RBFOX1: variants seen among roughly 807,000 people sequenced by gnomAD.
RBFOX1 encodes RNA binding protein fox-1 homolog 1.
RBFOX1 carries 8 observed loss-of-function variants against 57.7 expected under a neutral mutation model. The observed-to-expected ratio is 0.14, with a 90% CI of 0.08 to 0.25. The LOEUF (loss-of-function observed/expected upper bound fraction) is 0.25, where lower values mean the gene tolerates loss of function less well. Ranked by LOEUF, RBFOX1 falls within the 10% of genes least tolerant of loss-of-function variation. The probability of loss-of-function intolerance (pLI) is 1.00; values close to 1 mark genes in which losing one functional copy is unlikely to be tolerated. For missense variants in RBFOX1, 611 were observed against 548.5 expected (o/e 1.11, Z -1.14); for synonymous variants, 326 against 222.4 (o/e 1.47, Z -4.15).
chr16:5,545,165 A>C (rs2045138889), intron 2 of RBFOX1, among the ~76,000 whole-genome samples: 1 of 151,712 alleles, frequency 6.6e-6, no homozygotes, highest in Non-Finnish European at 1.5e-5. Flanking sequence ...TTTAGTAGAG[A>C]CAGGGTTTCA....
At chr16:5,641,968 G>C (rs909614403) in intron 3 of RBFOX1, among the ~76,000 whole-genome samples, 8 of 152,278 alleles carry the variant, frequency 5.3e-5, no homozygotes, top group Middle Eastern at 3.4e-3. Context: ...CAGGTCTGAG[G>C]TGGGACTCGT....
At chr16:6,527,899 C>A (rs9925410) in intron 2 of RBFOX1, among the ~76,000 whole-genome samples, 1 of 152,022 alleles carries the variant, frequency 6.6e-6, no homozygotes, top group Non-Finnish European at 1.5e-5. Context: ...CCCTCAGTCA[C>A]GATTCCATGC....
chr16:5,640,833 GCACACACACACA>G (rs142919715), intron 3 of RBFOX1, among the ~76,000 whole-genome samples: 3 of 142,658 alleles, frequency 2.1e-5, no homozygotes, highest in African/African-American at 8.0e-5. Flanking sequence ...ACACATACAT[GCACACACACACA>G]CACACACACA....
intron 11 of RBFOX1, among the ~76,000 whole-genome samples, chr16:7,652,431 A>C (rs1450503424): frequency 3.3e-5 from 5 of 152,202 alleles, no homozygotes; most frequent in Non-Finnish European, 4.4e-5. Flanking sequence ...TATTTGAGAA[A>C]AAGTCTTGCT....
intron 2 of RBFOX1, among the ~76,000 whole-genome samples, chr16:5,547,164 G>T (rs1235168560): frequency 6.6e-6 from 1 of 152,116 alleles, no homozygotes; most frequent in Non-Finnish European, 1.5e-5. Flanking sequence ...AATGTAAAAT[G>T]GTATAACCAC....
intron 1 of RBFOX1, among the ~76,000 whole-genome samples, chr16:6,210,097 C>A (rs1252626403): frequency 6.6e-6 from 1 of 151,732 alleles, no homozygotes; most frequent in Non-Finnish European, 1.5e-5. Context: ...ACCGGTGGAT[C>A]ACCTGAGGTC....
intron 4 of RBFOX1, among the ~76,000 whole-genome samples, chr16:7,218,655 T>TAC (rs2092460064): frequency 6.7e-6 from 1 of 148,796 alleles, no homozygotes; most frequent in African/African-American, 2.5e-5. Context: ...TGTGTGTGTG[T>TAC]GTGTGTGTGT....
At chr16:7,373,350 CT>C (rs1295859593) in intron 4 of RBFOX1, among the ~76,000 whole-genome samples, 2 of 152,130 alleles carry the variant, frequency 1.3e-5, no homozygotes, top group African/African-American at 4.8e-5. Flanking sequence ...TAAAGACAGT[CT>C]TTTGAAGCAA....
intron 4 of RBFOX1, among the ~76,000 whole-genome samples, chr16:7,118,309 T>C (rs895818053): frequency 6.6e-6 from 1 of 152,164 alleles, no homozygotes; most frequent in Non-Finnish European, 1.5e-5. Flanking sequence ...TAGCTCATTA[T>C]GGTTTTAATT....
rs530162579 is a variant in RBFOX1 at position 5,322,407 on chromosome 16, G to A, written c.219+82302G>A. Among the ~76,000 whole-genome samples, 3 of 152,260 alleles carry A rather than the reference G, an allele frequency of 2.0e-5. No homozygotes were observed. The East Asian group carries it at 5.8e-4, about 29-fold the overall frequency. On this transcript the variant is annotated intron_variant, in intron 1 of 2. Transcript: ENST00000585867. Reference sequence around the variant, plus strand: ...CGCCTAGGGGTTTGGGGTAGGATGAGCCTTTTGGTCTGGGTGCTGAGCCGG... The same window carrying A: ...CGCCTAGGGGTTTGGGGTAGGATGAACCTTTTGGTCTGGGTGCTGAGCCGG...
intron 4 of RBFOX1, among the ~76,000 whole-genome samples, chr16:7,216,692 C>T (rs1329473054): frequency 2.6e-5 from 4 of 152,012 alleles, no homozygotes; most frequent in African/African-American, 7.2e-5. Context: ...ACAAACAAAC[C>T]GAGACAATGA....
chr16:7,299,354 A>G (rs1035451091), intron 4 of RBFOX1, among the ~76,000 whole-genome samples: 139 of 152,280 alleles, frequency 9.1e-4, no homozygotes, highest in Non-Finnish European at 1.0e-3. Flanking sequence ...TGAACTGGGT[A>G]TTGCCTGCGC....
intron 3 of RBFOX1, among the ~76,000 whole-genome samples, chr16:5,839,570 G>A (rs1251392553): frequency 1.3e-5 from 2 of 152,122 alleles, no homozygotes; most frequent in African/African-American, 4.8e-5. Context: ...GCCATCAGAG[G>A]CTTCTTAATC....
chr16:6,148,704 C>A (rs2096776704), intron 1 of RBFOX1, among the ~76,000 whole-genome samples: 1 of 152,180 alleles, frequency 6.6e-6, no homozygotes, highest in Non-Finnish European at 1.5e-5. Flanking sequence ...CTAGAAAAAG[C>A]TGGAGAGATC....
chr16:5,462,239 G>A (rs531973812), intron 1 of RBFOX1, among the ~76,000 whole-genome samples: 49 of 147,230 alleles, frequency 3.3e-4, no homozygotes, highest in Non-Finnish European at 6.7e-4. Context: ...CACTATCTCG[G>A]CTCACTGCAA....
At chr16:7,463,562 C>T (rs934743577) in intron 4 of RBFOX1, among the ~76,000 whole-genome samples, 1 of 152,144 alleles carries the variant, frequency 6.6e-6, no homozygotes, top group Non-Finnish European at 1.5e-5. Flanking sequence ...ATGATGTAAT[C>T]ACCTCCTTAA....
intron 5 of RBFOX1, among the ~76,000 whole-genome samples, 155 bp from the exon 6 acceptor site, chr16:7,579,622 C>T (rs563966510): frequency 3.9e-5 from 6 of 152,196 alleles, no homozygotes; most frequent in African/African-American, 1.4e-4. Flanking sequence ...AAAACACTTG[C>T]TGAATGAATG....
chr16:7,205,813 C>T (rs551240434), intron 4 of RBFOX1, among the ~76,000 whole-genome samples: 1 of 152,212 alleles, frequency 6.6e-6, no homozygotes, highest in Non-Finnish European at 1.5e-5. Flanking sequence ...GAATTGAAAC[C>T]TTACCACTGA....
chr16:7,061,026 G>C (rs1302851100), intron 4 of RBFOX1, among the ~76,000 whole-genome samples: 2 of 151,862 alleles, frequency 1.3e-5, no homozygotes, highest in African/African-American at 4.8e-5. Context: ...GTTCTCCTGT[G>C]TGTGTGTGTG....
Sources: gnomAD v4.1 joint callset for allele counts (sites outside exome capture counted in the v4.1 genomes callset) on GRCh38, gnomAD v4.1.1 for gene constraint, MANE v1.5 for transcripts, NCBI Gene and HGNC (gene_info 2026-07-23, HGNC 2026-07-21) for gene names.